The following WDPCP variants were observed in gnomAD, a reference collection of about 807,000 sequenced individuals.
The protein encoded by WDPCP is WD repeat containing planar cell polarity effector.
Under a neutral mutation model 93.1 loss-of-function variants are expected in WDPCP, and 71 were observed. The observed-to-expected ratio is 0.76, with a 90% CI of 0.63 to 0.93. WDPCP has a LOEUF of 0.93. WDPCP is among the 40% of genes least tolerant of loss of function. WDPCP has a pLI of 0.00. For synonymous variants in WDPCP, 315 were observed against 315.0 expected, an observed-to-expected ratio of 1.00 and a Z score of 0.00; for missense variants, 844 against 887.4, an observed-to-expected ratio of 0.95 and a Z score of 0.62.
At chr2:63,569,645 A>G (rs867793250) in intron 1 of WDPCP, among the ~76,000 whole-genome samples, 3 of 152,290 alleles carry the variant, frequency 2.0e-5, no homozygotes, top group South Asian at 4.1e-4. Flanking sequence ...ATTTCCTCAC[A>G]AACATTTGCT....
chr2:63,560,946 C>T (rs1167473299), intron 1 of WDPCP, among the ~76,000 whole-genome samples: 2 of 152,146 alleles, frequency 1.3e-5, no homozygotes, highest in African/African-American at 2.4e-5. Context: ...CAAACCTGCA[C>T]GTTGTGCACA....
intron 1 of WDPCP, among the ~76,000 whole-genome samples, chr2:63,500,107 T>C (rs1283390705): frequency 6.6e-6 from 1 of 152,184 alleles, no homozygotes; most frequent in African/African-American, 2.4e-5. Context: ...GATCCTAGTT[T>C]CAAGGGCAGG....
rs1451497006 is a variant in WDPCP, at chr2:63,244,861, A to T, written c.1915+14446T>A. Among the ~76,000 whole-genome samples the T allele has an allele frequency of 3.9e-5, 6 of 152,008 alleles. No individual in the cohort carries two copies. In the South Asian group the frequency reaches 1.2e-3, roughly 32 times the overall value. Reference sequence around the variant, plus strand: ...TCGGTCAGTTATCCTTATTCACATAACTCACAAGCCAAGTCCTATCTGCAA... The same window carrying T: ...TCGGTCAGTTATCCTTATTCACATATCTCACAAGCCAAGTCCTATCTGCAA... On this transcript the variant is annotated intron_variant, in intron 14 of 17. Transcript: ENST00000272321.
At chr2:63,187,980 G>A (rs1168286005) in intron 14 of WDPCP, among the ~76,000 whole-genome samples, 1 of 151,960 alleles carries the variant, frequency 6.6e-6, no homozygotes, top group Non-Finnish European at 1.5e-5. Flanking sequence ...AGTATTCTTA[G>A]TTGATTTTTT....
At chr2:63,296,561 A>G (rs1016935258) in intron 13 of WDPCP, among the ~76,000 whole-genome samples, 11 of 152,212 alleles carry the variant, frequency 7.2e-5, no homozygotes, top group Non-Finnish European at 1.6e-4. Flanking sequence ...GACTCCTCCA[A>G]CAGACTTCTA....
intron 3 of WDPCP, among the ~76,000 whole-genome samples, chr2:63,607,941 A>G (rs940828778): frequency 1.3e-5 from 2 of 152,046 alleles, no homozygotes; most frequent in African/African-American, 4.8e-5. Context: ...CAGTAAGGCT[A>G]GAAAGATAAA....
At chr2:63,376,012 A>G (rs1691826518) in intron 12 of WDPCP, among the ~76,000 whole-genome samples, 1 of 151,962 alleles carries the variant, frequency 6.6e-6, no homozygotes, top group Non-Finnish European at 1.5e-5. Flanking sequence ...TTGACTAGCC[A>G]AAGGACAGGG....
Position 63,138,711 on chromosome 2 carries a change from G to A in WDPCP, c.2190+14203C>T, listed in dbSNP as rs147263465. Among the ~76,000 whole-genome samples, 620 of 152,130 alleles carry A rather than the reference G, an allele frequency of 4.1e-3. 3 individuals carry two copies. The highest frequency in any genetic ancestry group is 0.014 in the African/African-American group (594 of 41,526). On this transcript the variant is annotated intron_variant, in intron 17 of 17. Coordinates refer to ENST00000272321, the MANE Select transcript of WDPCP (RefSeq NM_015910.7). The stretch of plus-strand genomic sequence containing the variant: ...TCGTGATCCACCCGCCTCAGCCTCC[G>A]AAAGTTCTGGGATTACAGGCATGAG...
chr2:63,674,674 A>G (rs1710383174), intron 2 of WDPCP, among the ~76,000 whole-genome samples: 1 of 151,966 alleles, frequency 6.6e-6, no homozygotes, highest in African/African-American at 2.4e-5. Context: ...ACCCTTAGGA[A>G]CTTGTTAAGG....
chr2:63,372,124 T>C (rs1399488148), intron 12 of WDPCP, among the ~76,000 whole-genome samples: 1 of 152,100 alleles, frequency 6.6e-6, no homozygotes, highest in Non-Finnish European at 1.5e-5. Flanking sequence ...GGAGCCAGCA[T>C]CTCACATGGC....
At chr2:63,188,371 TCTC>T (rs1382110127) in intron 14 of WDPCP, among the ~76,000 whole-genome samples, 1 of 152,124 alleles carries the variant, frequency 6.6e-6, no homozygotes, top group African/African-American at 2.4e-5. Flanking sequence ...TTTTCTTTTT[TCTC>T]CTCAGTCTCA....
chr2:63,757,026 T>C (rs1294494719), intron 2 of WDPCP, among the ~76,000 whole-genome samples: 4 of 152,188 alleles, frequency 2.6e-5, no homozygotes, highest in Non-Finnish European at 4.4e-5. Flanking sequence ...TTGGGGGTAC[T>C]ACAATGTGGA....
At chr2:63,204,537 T>G (rs1300664918) in intron 14 of WDPCP, among the ~76,000 whole-genome samples, 1 of 152,012 alleles carries the variant, frequency 6.6e-6, no homozygotes, top group Non-Finnish European at 1.5e-5. Context: ...AGTCGGGGTT[T>G]CACCATGTTG....
chr2:63,562,702 T>G (rs1202520174), intron 1 of WDPCP, among the ~76,000 whole-genome samples: 1 of 152,208 alleles, frequency 6.6e-6, no homozygotes, highest in Non-Finnish European at 1.5e-5. Flanking sequence ...GCTTTCCAAT[T>G]GAAACTTATT....
intron 10 of WDPCP, among the ~76,000 whole-genome samples, chr2:63,386,976 C>T (rs1346062506): frequency 1.3e-5 from 2 of 151,944 alleles, no homozygotes; most frequent in African/African-American, 4.8e-5. Context: ...ATAACAAGCT[C>T]CAAAACTGAA....
intron 13 of WDPCP, among the ~76,000 whole-genome samples, chr2:63,284,207 A>C (rs972871793): frequency 7.2e-5 from 11 of 152,230 alleles, no homozygotes; most frequent in African/African-American, 2.7e-4. Context: ...TACTGTTGTC[A>C]TGTTCTTACA....
chr2:63,550,597 T>C (rs1705535500), intron 1 of WDPCP, among the ~76,000 whole-genome samples: 2 of 148,236 alleles, frequency 1.3e-5, no homozygotes, highest in African/African-American at 2.4e-5. Flanking sequence ...TCTTAGGTCC[T>C]CTTCTATCTG....
At chr2:63,127,263 A>G (rs1669977319) in intron 17 of WDPCP, among the ~76,000 whole-genome samples, 1 of 151,670 alleles carries the variant, frequency 6.6e-6, no homozygotes. Flanking sequence ...CTGAGACTAC[A>G]GGCATGAGCC....
intron 13 of WDPCP, among the ~76,000 whole-genome samples, chr2:63,266,339 G>C (rs1041211634): frequency 2.6e-5 from 4 of 151,924 alleles, no homozygotes; most frequent in Admixed American, 1.3e-4. Flanking sequence ...TAAAGTTGCA[G>C]GTTATAAAAT....
Sources: gnomAD v4.1 joint callset for allele counts (sites outside exome capture counted in the v4.1 genomes callset) on GRCh38, gnomAD v4.1.1 for gene constraint, MANE v1.5 for transcripts, NCBI Gene and HGNC (gene_info 2026-07-23, HGNC 2026-07-21) for gene names.